The following GSE1 variants were observed in gnomAD, a reference collection of about 807,000 sequenced individuals.
GSE1 encodes genetic suppressor element 1.
Under a neutral mutation model 112.6 loss-of-function variants are expected in GSE1, and 32 were observed. That is an observed-to-expected ratio of 0.28 (90% CI 0.21 to 0.38). GSE1 has a LOEUF of 0.38. GSE1 is among the 10% of genes least tolerant of loss of function. GSE1 has a pLI of 1.00. For missense variants in GSE1, 2,348 were observed against 1,699.2 expected (o/e 1.38, Z -6.71); for synonymous variants, 1,115 against 735.6 (o/e 1.52, Z -8.35).
At chr16:85,331,217 A>G (rs1338873874) in intron 1 of GSE1, among the ~76,000 whole-genome samples, 1 of 150,154 alleles carries the variant, frequency 6.7e-6, no homozygotes, top group Non-Finnish European at 1.5e-5. Context: ...CAGTGGCACG[A>G]TATCGGCTCA....
intron 1 of GSE1, among the ~76,000 whole-genome samples, chr16:85,296,076 C>T (rs932580619): frequency 1.3e-5 from 2 of 152,098 alleles, no homozygotes; most frequent in African/African-American, 4.8e-5. Flanking sequence ...ACCAGGAGGC[C>T]GGCTTGGGAA....
At chr16:85,606,951 T>G (rs895108102), upstream of GSE1, among the ~76,000 whole-genome samples, 1 of 152,128 alleles carries the variant, frequency 6.6e-6, no homozygotes, top group Non-Finnish European at 1.5e-5. Context: ...TTAAAGGTTT[T>G]AAATGCAAAT....
intron 2 of GSE1, among the ~76,000 whole-genome samples, chr16:85,526,207 G>A (rs2151169247): frequency 1.3e-5 from 2 of 152,376 alleles, no homozygotes; most frequent in East Asian, 3.9e-4. Flanking sequence ...AGCACCTACT[G>A]TGTGCCAGGC....
intron 2 of GSE1, among the ~76,000 whole-genome samples, chr16:85,641,492 G>T (rs890895410): frequency 6.6e-6 from 1 of 152,226 alleles, no homozygotes; most frequent in African/African-American, 2.4e-5. Flanking sequence ...GGTCGGGAGA[G>T]CCCTGCCCTG....
chr16:85,447,409 A>T (rs1038689498), intron 2 of GSE1, among the ~76,000 whole-genome samples: 2 of 152,224 alleles, frequency 1.3e-5, no homozygotes, highest in African/African-American at 4.8e-5. Context: ...CCTTGGGCAG[A>T]TGACCTCTCT....
rs376859904 is a variant in GSE1 at position 85,589,913 on chromosome 16, GTGAT to G, written c.37+33554_37+33557del. 8.6e-3 allele frequency among the ~76,000 whole-genome samples: 1,311 copies of G among 152,186 alleles called. 17 individuals are homozygous for G. The highest frequency in any genetic ancestry group is 0.012 in the Non-Finnish European group (825 of 67,998). ...AGGAATGTGTGTGATGTGAACCTGA[GTGAT>G]TGAGCATGAATGTGAACGTGTGTGA... On this transcript the variant is annotated intron_variant, in intron 1 of 2. Transcript: ENST00000635906.
intron 2 of GSE1, among the ~76,000 whole-genome samples, chr16:85,386,308 G>T (rs1464710689): frequency 1.3e-5 from 2 of 152,244 alleles, no homozygotes; most frequent in African/African-American, 4.8e-5. Context: ...TCTAGGTGGG[G>T]AGTTGGATGC....
chr16:85,337,902 A>C (rs111837225), intron 1 of GSE1, among the ~76,000 whole-genome samples: 1 of 152,210 alleles, frequency 6.6e-6, no homozygotes, highest in African/African-American at 2.4e-5. Context: ...AAGCCTCCGT[A>C]TTGGTCTCAG....
At chr16:85,535,785 T>G (rs1271348077) in intron 2 of GSE1, among the ~76,000 whole-genome samples, 1 of 152,230 alleles carries the variant, frequency 6.6e-6, no homozygotes, top group African/African-American at 2.4e-5. Context: ...TCACCCCTAC[T>G]CTGCCTGCAG....
At chr16:85,500,041 G>T (rs969134415) in intron 2 of GSE1, among the ~76,000 whole-genome samples, 9 of 152,212 alleles carry the variant, frequency 5.9e-5, no homozygotes, top group African/African-American at 1.7e-4. Context: ...GTTTGTTTCT[G>T]CAGTAAAATC....
At chr16:85,526,460 C>T (rs2052367564) in intron 2 of GSE1, among the ~76,000 whole-genome samples, 1 of 152,252 alleles carries the variant, frequency 6.6e-6, no homozygotes, top group South Asian at 2.1e-4. Context: ...TGCTGGAATC[C>T]AGGGCAGGGT....
intron 1 of GSE1, among the ~76,000 whole-genome samples, chr16:85,236,418 GC>G (rs1904668711): frequency 6.6e-6 from 1 of 152,240 alleles, no homozygotes; most frequent in Non-Finnish European, 1.5e-5. Flanking sequence ...GGCCCAGTGG[GC>G]TAAAAACTCT....
At chr16:85,522,292 G>T (rs2052211750) in intron 2 of GSE1, among the ~76,000 whole-genome samples, 1 of 152,180 alleles carries the variant, frequency 6.6e-6, no homozygotes, top group African/African-American at 2.4e-5. Context: ...CTGAGCTGTG[G>T]TCAGGGCCGT....
chr16:85,543,896 G>C lies in GSE1; in HGVS notation c.2465-90018G>C, dbSNP rs546797076. Among the ~76,000 whole-genome samples, 212 of 152,276 alleles carry C rather than the reference G, an allele frequency of 1.4e-3. 1 individual carries two copies. Among genetic ancestry groups the C allele is most frequent in the African/African-American group, 4.6e-3 (193 of 41,532 alleles). On this transcript the variant is annotated intron_variant, in intron 2 of 2. Coordinates refer to the GSE1 transcript ENST00000637419. ...TCTGTCATCCAGGCTGGAGGGCAGT[G>C]GCATGATCTCAGCTCACTGCAACCT...
intron 1 of GSE1, among the ~76,000 whole-genome samples, chr16:85,586,928 A>G (rs912597573): frequency 6.6e-6 from 1 of 152,232 alleles, no homozygotes; most frequent in South Asian, 2.1e-4. Flanking sequence ...AAGTGCCCGC[A>G]GCTGCCAGGG....
At chr16:85,352,618 C>A (rs1288002599) in intron 1 of GSE1, among the ~76,000 whole-genome samples, 2 of 152,158 alleles carry the variant, frequency 1.3e-5, no homozygotes, top group Non-Finnish European at 2.9e-5. Context: ...CAGGGACTGT[C>A]GTAAATGTGG....
chr16:85,554,905 A>T, upstream of GSE1: 1 of 985,346 alleles, frequency 1.0e-6, no homozygotes. Flanking sequence ...CTTCGGAGCG[A>T]AGGGGAGCAC....
intron 2 of GSE1, among the ~76,000 whole-genome samples, chr16:85,516,576 G>T (rs1481718330): frequency 7.7e-6 from 1 of 130,250 alleles, no homozygotes; most frequent in Non-Finnish European, 1.6e-5. Flanking sequence ...CAACAGAGGA[G>T]ACCCTGTCTC....
chr16:85,366,383 C>T (rs990098242), intron 2 of GSE1, among the ~76,000 whole-genome samples: 1 of 152,268 alleles, frequency 6.6e-6, no homozygotes, highest in African/African-American at 2.4e-5. Context: ...CTCTGTCTCT[C>T]TTCATACGTT....
Sources: gnomAD v4.1 joint callset for allele counts (sites outside exome capture counted in the v4.1 genomes callset) on GRCh38, gnomAD v4.1.1 for gene constraint, MANE v1.5 for transcripts, NCBI Gene and HGNC (gene_info 2026-07-23, HGNC 2026-07-21) for gene names.